Variants in MYH11 observed in about 807,000 individuals in gnomAD.
The protein encoded by MYH11 is myosin-11.
A neutral mutation model predicts 246.6 loss-of-function variants in MYH11; 80 were observed. The observed-to-expected ratio is 0.32, with a 90% CI of 0.27 to 0.39. The LOEUF (loss-of-function observed/expected upper bound fraction) is 0.39. Among genes scored for constraint, MYH11 ranks in the 10% least tolerant of loss-of-function variants. The probability of loss-of-function intolerance (pLI) is 1.00; values close to 1 mark genes in which losing one functional copy is unlikely to be tolerated. For synonymous variants in MYH11, 1,071 were observed against 1,015.5 expected (o/e 1.05, Z -1.04); for missense variants, 2,158 against 2,546.8 (o/e 0.85, Z 3.29).
chr16:15,823,679 C>T (rs989523193), intron 2 of MYH11, among the ~76,000 whole-genome samples: 3 of 151,970 alleles, frequency 2.0e-5, no homozygotes, highest in Non-Finnish European at 4.4e-5. Flanking sequence ...GGCTGGAGTG[C>T]GGTGGTGTGA....
chr16:15,718,238 C>T (rs950475167), intron 37 of MYH11, 77 bp downstream of exon 37: 18 of 1,599,372 alleles, frequency 1.1e-5, no homozygotes, highest in Admixed American at 3.3e-5. Context: ...AGCCGCCACG[C>T]GTGTGTTGAC....
intron 26 of MYH11, 115 bp from the exon 27 acceptor site, chr16:15,732,823 C>T: frequency 7.8e-7 from 1 of 1,288,258 alleles, no homozygotes; most frequent in Non-Finnish European, 1.1e-6. Flanking sequence ...TCATCACCAC[C>T]CCTCTCTAGC....
rs369335485 is a variant in MYH11 at position 15,724,200 on chromosome 16, G to A, written c.4326C>T (p.Leu1442=). 16 of 1,613,936 alleles carry A rather than the reference G, an allele frequency of 9.9e-6. No individual in the cohort carries two copies. Among genetic ancestry groups the A allele is most frequent in the Admixed American group, 6.7e-5 (4 of 60,006 alleles). The change falls in exon 31 of 41, where the codon CTC becomes CTT. Residue 1442 remains leucine, a synonymous_variant. Transcript: ENST00000300036. ...LVVDLDNQRQ[L]VSNLEKKQRK... is the part of the protein sequence containing the mutation. The stretch of plus-strand genomic sequence containing the variant: ...TCTGCTTCTTTTCCAGGTTGGACAC[G>A]AGTTGCCGCTGGTTGTCCAAATCAA...
At chr16:15,742,327 A>G in intron 20 of MYH11, 1 of 241,060 alleles carries the variant, frequency 4.1e-6, no homozygotes, top group Non-Finnish European at 8.2e-6. Flanking sequence ...TATCCCACCC[A>G]CCTCCCTATC....
Position 15,747,917 on chromosome 16 carries a change from A to G in MYH11, c.2207T>C (p.Ile736Thr). 1 of 1,613,942 alleles carries G rather than the reference A, an allele frequency of 6.2e-7. No homozygotes were observed. Among genetic ancestry groups the G allele is most frequent in the South Asian group, 1.1e-5 (1 of 91,068 alleles). Residue 736 changes from isoleucine to threonine, a missense_variant, in exon 18 of 41, where the codon ATC (isoleucine) becomes ACC (threonine). Transcript: ENST00000300036. ...CTTCCCGTCCATGAAGCCTTTGGGGATGGCATTCGCCGCCAGGATCTCGTA... is the reference window on the plus strand; with the variant it reads ...CTTCCCGTCCATGAAGCCTTTGGGGGTGGCATTCGCCGCCAGGATCTCGTA... ...QRYEILAANA[I>T]PKGFMDGKQA...
chr16:15,805,993 A>G (rs941519734), intron 3 of MYH11, among the ~76,000 whole-genome samples: 2 of 151,940 alleles, frequency 1.3e-5, no homozygotes, highest in Non-Finnish European at 2.9e-5. Flanking sequence ...GAAAGAAGCT[A>G]GCCGGCTGGG....
chr16:15,851,998 T>G (rs967832071), intron 1 of MYH11, among the ~76,000 whole-genome samples: 1 of 152,124 alleles, frequency 6.6e-6, no homozygotes, highest in African/African-American at 2.4e-5. Flanking sequence ...TGCTGCAGTA[T>G]CAGTCAATGG....
Position 15,814,553 on chromosome 16 carries a change from CAAAAAAAAAAAAAAA to C in MYH11, c.502+8687_502+8701del, listed in dbSNP as rs58806731. Reference sequence around the variant, plus strand: ...GGACAACGAGAGTGAAACTCCATCTCAAAAAAAAAAAAAAAAAAAAAAAAAAAAAAAGGTACCAAG... The same window carrying C: ...GGACAACGAGAGTGAAACTCCATCTCAAAAAAAAAAAAAAAAGGTACCAAG... On this transcript the variant is annotated intron_variant, in intron 3 of 40. Coordinates refer to ENST00000300036, the MANE Select transcript of MYH11 (RefSeq NM_002474.3). Among the ~76,000 whole-genome samples, 44 of 22,818 alleles carry C rather than the reference CAAAAAAAAAAAAAAA, an allele frequency of 1.9e-3. 1 individual carries two copies. Among genetic ancestry groups the C allele is most frequent in the South Asian group, 0.014 (2 of 146 alleles). The allele number at this position is 22,818 out of a possible 152,430, so 15.0% of individuals were successfully genotyped here.
chr16:15,737,706 G>A (rs1231287817), intron 24 of MYH11, 86 bp from the exon 25 acceptor site: 1 of 1,485,210 alleles, frequency 6.7e-7, no homozygotes, highest in Non-Finnish European at 9.3e-7. Flanking sequence ...ATTTTACCCG[G>A]AGGAGATGAA....
rs71376096 is a variant in MYH11, at chr16:15,726,834, C to T, written c.3858+14G>A. On this transcript the variant is annotated intron_variant, in intron 28 of 40. Transcript: ENST00000300036. ...CCCAGCACTGCCCACCACACCACCG[C>T]GCCACCTCCTCACCTGCAGCTTGTG... 35 of 1,611,034 alleles carry T rather than the reference C, an allele frequency of 2.2e-5. No homozygotes were observed. Among genetic ancestry groups the T allele is most frequent in the Non-Finnish European group, 2.5e-5 (29 of 1,179,952 alleles).
At chr16:15,709,045 T>G (rs1372273159) in intron 40 of MYH11, among the ~76,000 whole-genome samples, 1 of 151,918 alleles carries the variant, frequency 6.6e-6, no homozygotes, top group Non-Finnish European at 1.5e-5. Context: ...TGGATTCAAG[T>G]GATCCCCTTG....
At chr16:15,737,651 G>A (rs1372614589) in intron 24 of MYH11, 31 bp from the exon 25 acceptor site, 1 of 1,606,992 alleles carries the variant, frequency 6.2e-7, no homozygotes, top group Non-Finnish European at 8.5e-7. Context: ...TTCAGGAAGG[G>A]GAGGCCCCAG....
chr16:15,833,413 G>GAGGAAGGAAGGA (rs1567208270), intron 2 of MYH11, among the ~76,000 whole-genome samples: 1 of 146,740 alleles, frequency 6.8e-6, no homozygotes, highest in Non-Finnish European at 1.5e-5. Context: ...GGAAGGAAGG[G>GAGGAAGGAAGGA]AGGAACGAAC....
intron 2 of MYH11, among the ~76,000 whole-genome samples, chr16:15,835,538 G>A (rs2043867876): frequency 6.6e-6 from 1 of 152,040 alleles, no homozygotes; most frequent in African/African-American, 2.4e-5. Context: ...ATTTTCATTT[G>A]GCAAAATGTA....
At chr16:15,782,579 T>C in intron 5 of MYH11, 102 bp from the exon 6 acceptor site, 1 of 849,040 alleles carries the variant, frequency 1.2e-6, no homozygotes, top group Non-Finnish European at 2.0e-6. Context: ...AACCCACAGG[T>C]TCTCTCCTAT....
At chr16:15,838,859 A>G (rs1487482686) in intron 1 of MYH11, among the ~76,000 whole-genome samples, 1 of 144,830 alleles carries the variant, frequency 6.9e-6, no homozygotes, top group Non-Finnish European at 1.5e-5. Flanking sequence ...TCCATCTCAA[A>G]AAAAAAAAAA....
intron 40 of MYH11, chr16:15,714,207 A>T (rs1341580045): frequency 1.3e-5 from 2 of 153,734 alleles, no homozygotes; most frequent in Non-Finnish European, 2.9e-5. Context: ...CCTTGGGAGC[A>T]GGGGGGACCC....
chr16:15,830,688 G>A (rs1231351660), intron 2 of MYH11, among the ~76,000 whole-genome samples: 2 of 152,070 alleles, frequency 1.3e-5, no homozygotes, highest in South Asian at 2.1e-4. Flanking sequence ...GACCAGCCTG[G>A]CTAACATGGC....
At chr16:15,718,507 G>A (rs899580218) in intron 36 of MYH11, 69 bp from the exon 37 acceptor site, 14 of 1,529,784 alleles carry the variant, frequency 9.2e-6, no homozygotes, top group Non-Finnish European at 1.2e-5. Flanking sequence ...CCTCCTTGGA[G>A]TCATGCCTCA....
Sources: allele counts gnomAD v4.1 joint callset (sites outside exome capture counted in the v4.1 genomes callset), GRCh38; gene constraint gnomAD v4.1.1; transcripts MANE v1.5; gene names NCBI Gene and HGNC (gene_info 2026-07-23, HGNC 2026-07-21).